PDE11A: variants seen among roughly 807,000 people sequenced by gnomAD.
PDE11A encodes the protein phosphodiesterase 11A.
A neutral mutation model predicts 100.5 loss-of-function variants in PDE11A; 100 were observed. The observed-to-expected ratio is 1.00, with a 90% CI of 0.85 to 1.18. The LOEUF (loss-of-function observed/expected upper bound fraction) is 1.18, where lower values mean the gene tolerates loss of function less well. PDE11A is among the 50% of genes most tolerant of loss of function. The pLI is 0.00. For missense variants in PDE11A, 1,141 were observed against 1,152.6 expected, an observed-to-expected ratio of 0.99 and a Z score of 0.15; for synonymous variants, 381 against 420.8, an observed-to-expected ratio of 0.91 and a Z score of 1.16.
At chr2:178,021,434 T>C (rs572442172) in intron 1 of PDE11A, among the ~76,000 whole-genome samples, 9 of 152,318 alleles carry the variant, frequency 5.9e-5, no homozygotes, top group Admixed American at 5.9e-4. Context: ...TTTCTTAATA[T>C]ATACATAAAT....
At chr2:178,007,881 G>A (rs2086230723) in intron 2 of PDE11A, among the ~76,000 whole-genome samples, 1 of 151,824 alleles carries the variant, frequency 6.6e-6, no homozygotes, top group Non-Finnish European at 1.5e-5. Context: ...AATTTTTTTT[G>A]TATCTTTAGA....
chr2:177,953,894 C>T (rs2695105), intron 2 of PDE11A, among the ~76,000 whole-genome samples: 1,939 of 152,056 alleles, frequency 0.013, 31 homozygotes, highest in African/African-American at 0.043. Context: ...GGTTATTTTT[C>T]GGAAAACTGC....
intron 2 of PDE11A, chr2:177,922,746 C>T: frequency 4.1e-6 from 4 of 985,422 alleles, no homozygotes; most frequent in Non-Finnish European, 4.8e-6. Flanking sequence ...GCTTACAGGG[C>T]CTACACTCAA....
intron 3 of PDE11A, among the ~76,000 whole-genome samples, chr2:177,899,284 C>T (rs2084662897): frequency 6.6e-6 from 1 of 152,054 alleles, no homozygotes; most frequent in South Asian, 2.1e-4. Context: ...GTGGCATGTT[C>T]CCGTAGTCCC....
chr2:177,862,392 A>G (rs1363159101), intron 5 of PDE11A, among the ~76,000 whole-genome samples: 2 of 151,924 alleles, frequency 1.3e-5, no homozygotes, highest in Non-Finnish European at 2.9e-5. Flanking sequence ...ACTTACTGCA[A>G]TGAAGAAGTA....
chr2:177,639,532 G>C (rs1190131528), intron 19 of PDE11A, among the ~76,000 whole-genome samples: 2 of 152,146 alleles, frequency 1.3e-5, no homozygotes, highest in East Asian at 3.8e-4. Flanking sequence ...CTGAGAGTGG[G>C]GTTAGGATGT....
In PDE11A at chr2:178,089,655, G is replaced by T. The variant is rs2087397420; in HGVS notation, c.162+14647C>A. ...CAGAGACCAAGGTCAGGGCCTAGTCGAGAAGACAGTTTAGAGGAGCCTGAC... is the reference window on the plus strand; with the variant it reads ...CAGAGACCAAGGTCAGGGCCTAGTCTAGAAGACAGTTTAGAGGAGCCTGAC... On this transcript the variant is annotated intron_variant, in intron 2 of 20. Transcript: ENST00000358450. Among the ~76,000 whole-genome samples the T allele has an allele frequency of 1.3e-5, 2 of 152,192 alleles. 1 individual carries two copies. Among genetic ancestry groups the T allele is most frequent in the Admixed American group, 1.3e-4 (2 of 15,276 alleles).
chr2:177,947,017 G>C lies in PDE11A; in HGVS notation c.1072-41830C>G, dbSNP rs1332762708. On this transcript the variant is annotated intron_variant, in intron 2 of 19. Transcript: ENST00000286063. ...GCCCCGTCCGGGAAGGAGGTGGGGG[G>C]GGTCAGCCCCCCGCCCGGCCAGCCG... 4.6e-5 allele frequency among the ~76,000 whole-genome samples: 6 copies of C among 131,046 alleles called. No individual in the cohort carries two copies. The East Asian group carries it at 1.4e-3, about 31-fold the overall frequency. The allele number at this position is 131,046 out of a possible 152,430, so 86.0% of individuals were successfully genotyped here.
chr2:177,963,790 T>G (rs551934325), intron 2 of PDE11A, among the ~76,000 whole-genome samples: 1 of 152,338 alleles, frequency 6.6e-6, no homozygotes, highest in South Asian at 2.1e-4. Flanking sequence ...CGGTGGCTGC[T>G]TGAGAACTGG....
chr2:177,891,261 C>G (rs189561283), intron 4 of PDE11A, among the ~76,000 whole-genome samples: 15 of 152,254 alleles, frequency 9.9e-5, no homozygotes, highest in African/African-American at 3.6e-4. Context: ...CTGCACTCCA[C>G]CCTGGGCCTC....
chr2:177,947,799 A>AATAAAAT, intron 2 of PDE11A, among the ~76,000 whole-genome samples: 1 of 149,704 alleles, frequency 6.7e-6, no homozygotes, highest in East Asian at 1.9e-4. Flanking sequence ...AAAATAAAAA[A>AATAAAAT]AAAATAAAAT....
chr2:177,674,578 G>A (rs2080739178), intron 17 of PDE11A, among the ~76,000 whole-genome samples: 1 of 152,162 alleles, frequency 6.6e-6, no homozygotes, highest in Non-Finnish European at 1.5e-5. Context: ...TCTAGGATCA[G>A]TCTGCAGCTG....
intron 1 of PDE11A, among the ~76,000 whole-genome samples, chr2:178,052,541 C>CA (rs1206898969): frequency 4.6e-5 from 7 of 151,590 alleles, no homozygotes; most frequent in African/African-American, 1.5e-4. Context: ...GATAGAGACA[C>CA]AAAAAACCCT....
At chr2:177,693,131 C>G (rs1478517223) in intron 15 of PDE11A, among the ~76,000 whole-genome samples, 1 of 152,182 alleles carries the variant, frequency 6.6e-6, no homozygotes, top group African/African-American at 2.4e-5. Context: ...GTACGGGGAG[C>G]CTAATATCCT....
At chr2:178,000,578 A>C (rs1167164298) in intron 2 of PDE11A, among the ~76,000 whole-genome samples, 2 of 152,230 alleles carry the variant, frequency 1.3e-5, no homozygotes, top group African/African-American at 4.8e-5. Flanking sequence ...AACAACCATA[A>C]ATTTAAAAAT....
At chr2:177,778,747 T>C (rs1211628572) in intron 9 of PDE11A, among the ~76,000 whole-genome samples, 1 of 152,170 alleles carries the variant, frequency 6.6e-6, no homozygotes, top group Non-Finnish European at 1.5e-5. Context: ...CTTAACAAGA[T>C]GATGACAGTA....
intron 1 of PDE11A, among the ~76,000 whole-genome samples, chr2:178,019,479 T>C (rs2086379997): frequency 6.6e-6 from 1 of 152,136 alleles, no homozygotes; most frequent in South Asian, 2.1e-4. Flanking sequence ...TGAAATAAAA[T>C]TTCTAAAAAT....
At chr2:177,745,870 C>G (rs1402665130) in intron 10 of PDE11A, among the ~76,000 whole-genome samples, 1 of 152,178 alleles carries the variant, frequency 6.6e-6, no homozygotes, top group Non-Finnish European at 1.5e-5. Context: ...CCATGGCTGC[C>G]AGCTGAGGAG....
At chr2:177,767,520 T>G (rs2105499040) in intron 10 of PDE11A, among the ~76,000 whole-genome samples, 1 of 152,276 alleles carries the variant, frequency 6.6e-6, no homozygotes, top group East Asian at 1.9e-4. Flanking sequence ...AACATTACAT[T>G]AGCATTTTAG....
Sources: allele counts gnomAD v4.1 joint callset (sites outside exome capture counted in the v4.1 genomes callset), GRCh38; gene constraint gnomAD v4.1.1; transcripts MANE v1.5; gene names NCBI Gene and HGNC (gene_info 2026-07-23, HGNC 2026-07-21).